The following TRPM6 variants were observed in gnomAD, a reference collection of about 807,000 sequenced individuals.
TRPM6 encodes the protein channel kinase 2.
A neutral mutation model predicts 247.6 loss-of-function variants in TRPM6; 111 were observed. The ratio of observed to expected loss-of-function variants is 0.45; its 90% CI spans 0.38 to 0.52. The LOEUF (loss-of-function observed/expected upper bound fraction) is 0.52, where lower values mean the gene tolerates loss of function less well. TRPM6 is among the 20% of genes least tolerant of loss of function. The pLI is 0.00. For synonymous variants in TRPM6, 892 were observed against 853.8 expected, an observed-to-expected ratio of 1.04 and a Z score of -0.78; for missense variants, 2,126 against 2,421.5, an observed-to-expected ratio of 0.88 and a Z score of 2.56.
chr9:74,804,798 C>A, intron 14 of TRPM6: 1 of 642,842 alleles, frequency 1.6e-6, no homozygotes, highest in South Asian at 1.7e-5. Flanking sequence ...GGCTCGTAAG[C>A]AACATGGAAA....
chr9:74,759,792 T>C (rs953069627), intron 27 of TRPM6, among the ~76,000 whole-genome samples: 9 of 152,088 alleles, frequency 5.9e-5, no homozygotes, highest in Non-Finnish European at 1.2e-4. Flanking sequence ...AAAAAAATTA[T>C]GGTTTCAAAG....
rs1829877345 is a variant in TRPM6 at position 74,840,027 on chromosome 9, T to C, written c.541A>G (p.Thr181Ala). ...GAWIITEGIN[T>A]GVSKHVGDAL... is the part of the protein sequence containing the mutation. ...AAATGGAGGGAGGGAGCTTTACCTGTATTGATGCCTTCAGTTATTATCCAC... is the reference window on the plus strand; with the variant it reads ...AAATGGAGGGAGGGAGCTTTACCTGCATTGATGCCTTCAGTTATTATCCAC... Residue 181 changes from threonine (T) to alanine (A), a missense_variant, in exon 5 of 39, where the codon ACA becomes GCA. Physicochemically the swap from Thr to Ala is moderately conservative, Grantham distance 58. Around this residue, in one of 3 missense-constraint regions of TRPM6, gnomAD observed 1,082 missense variants for 1,307.9 expected, o/e 0.83. Transcript: ENST00000360774. The C allele has an allele frequency of 4.3e-6, 7 of 1,612,752 alleles. 1 individual carries two copies. In the East Asian group the frequency reaches 1.3e-4, roughly 31 times the overall value.
intron 38 of TRPM6, among the ~76,000 whole-genome samples, chr9:74,727,193 C>T (rs571495859): frequency 3.4e-4 from 51 of 151,906 alleles, no homozygotes; most frequent in African/African-American, 1.1e-3. Context: ...CCATCCTGGC[C>T]AACATGGTGA....
chr9:74,800,511 C>T (rs1040549882), intron 16 of TRPM6, 29 bp from the exon 17 acceptor site: 4 of 1,526,208 alleles, frequency 2.6e-6, no homozygotes, highest in African/African-American at 2.7e-5. Flanking sequence ...ATTAAGAAAA[C>T]AAAGGCAGGT....
At chr9:74,858,170 C>T (rs562013091) in intron 2 of TRPM6, among the ~76,000 whole-genome samples, 1 of 152,136 alleles carries the variant, frequency 6.6e-6, no homozygotes, top group African/African-American at 2.4e-5. Flanking sequence ...GGGTGGATCA[C>T]GAGGTCAGGA....
chr9:74,742,332 C>A (rs1825892976), intron 33 of TRPM6, among the ~76,000 whole-genome samples: 1 of 152,158 alleles, frequency 6.6e-6, no homozygotes, highest in Non-Finnish European at 1.5e-5. Context: ...GCTTTCTTCC[C>A]AACTGCTGCT....
intron 13 of TRPM6, among the ~76,000 whole-genome samples, chr9:74,808,514 C>A (rs922674442): frequency 6.6e-6 from 1 of 151,940 alleles, no homozygotes; most frequent in Non-Finnish European, 1.5e-5. Flanking sequence ...ATTTTTTATT[C>A]CATATTGAGT....
chr9:74,838,686 G>A (rs1194580451), intron 5 of TRPM6, among the ~76,000 whole-genome samples: 4 of 152,188 alleles, frequency 2.6e-5, no homozygotes, highest in Non-Finnish European at 5.9e-5. Flanking sequence ...CTCTAGTTGA[G>A]ATATTCAAGA....
chr9:74,791,229 G>A (rs1436493061), intron 19 of TRPM6, among the ~76,000 whole-genome samples: 2 of 152,210 alleles, frequency 1.3e-5, no homozygotes, highest in Non-Finnish European at 2.9e-5. Context: ...CTCATTGTTT[G>A]AAAGCAGATG....
chr9:74,832,610 G>A lies in TRPM6; in HGVS notation c.669+1388C>T, dbSNP rs117711715. Among the ~76,000 whole-genome samples, 200 of 152,246 alleles carry A rather than the reference G, an allele frequency of 1.3e-3. 12 individuals carry two copies. In the East Asian group the frequency reaches 0.036, roughly 27 times the overall value. On this transcript the variant is annotated intron_variant, in intron 6 of 38. Coordinates refer to ENST00000360774, the MANE Select transcript of TRPM6 (RefSeq NM_017662.5). ...TGTCTCAAATTTGCTTCAAAATAAC[G>A]GAGGGTGTCGGCTGAATGGATAAGG...
intron 3 of TRPM6, among the ~76,000 whole-genome samples, chr9:74,854,845 TG>T (rs1830474089): frequency 6.6e-6 from 1 of 152,154 alleles, no homozygotes; most frequent in African/African-American, 2.4e-5. Context: ...TTTTGGGTTT[TG>T]TTTTTGCTTT....
rs980674320 is a variant in TRPM6, at chr9:74,755,351, A to G, written c.4906+2T>C. On this transcript the variant is annotated splice_donor_variant, in intron 28 of 38. Transcript: ENST00000360774. LOFTEE classifies it high-confidence loss of function. The stretch of plus-strand genomic sequence containing the variant: ...GGATCCAAAATTGTAGATGTTACAT[A>G]CCTGTGTGACTAAATTTGGACACTG... The G allele has an allele frequency of 1.2e-6, 2 of 1,614,018 alleles. No individual in the cohort carries two copies. The highest frequency in any genetic ancestry group is 1.7e-6 in the Non-Finnish European group (2 of 1,179,958).
intron 19 of TRPM6, among the ~76,000 whole-genome samples, chr9:74,792,036 C>A (rs926882934): frequency 3.9e-5 from 6 of 152,190 alleles, no homozygotes; most frequent in Admixed American, 3.3e-4. Context: ...GAATTACAGG[C>A]GTGAGCCACC....
At position 74,761,768 on chromosome 9, in the gene TRPM6, G is replaced by A; in HGVS notation, c.4713C>T (p.Val1571=). 1.2e-6 allele frequency: 2 copies of A among 1,613,908 alleles called. No homozygotes were observed. The highest frequency in any genetic ancestry group is 1.7e-6 in the Non-Finnish European group (2 of 1,179,942). The change falls in exon 27 of 39, where the codon GTC becomes GTT. Residue 1571 remains valine, a synonymous_variant. Transcript: ENST00000360774. Reference sequence around the variant, plus strand: ...TGTCTTTGGTTAGCATTTTCGCTTTGACCCATGCTCCCTGCCCTATTTCTG... The same window carrying A: ...TGTCTTTGGTTAGCATTTTCGCTTTAACCCATGCTCCCTGCCCTATTTCTG... ...GSSEIGQGAW[V]KAKMLTKDRR...
chr9:74,750,896 G>C (rs576365741), intron 29 of TRPM6, among the ~76,000 whole-genome samples, 174 bp from the exon 30 acceptor site: 1 of 152,242 alleles, frequency 6.6e-6, no homozygotes, highest in East Asian at 1.9e-4. Flanking sequence ...CATAATGTTA[G>C]AGCAATGTCA....
chr9:74,854,499 T>G (rs1032140926), intron 3 of TRPM6, among the ~76,000 whole-genome samples: 1 of 152,082 alleles, frequency 6.6e-6, no homozygotes, highest in Non-Finnish European at 1.5e-5. Flanking sequence ...AGAGCAAAAT[T>G]TTAAATAATT....
chr9:74,873,837 G>A (rs983633462), intron 1 of TRPM6, among the ~76,000 whole-genome samples: 2 of 151,722 alleles, frequency 1.3e-5, no homozygotes, highest in Non-Finnish European at 2.9e-5. Flanking sequence ...TAAAGATTTA[G>A]GGTAGGGTAC....
intron 11 of TRPM6, among the ~76,000 whole-genome samples, chr9:74,814,988 TA>T (rs1564027284): frequency 2.0e-5 from 3 of 151,578 alleles, no homozygotes; most frequent in Admixed American, 2.0e-4. Context: ...AAAATTAAAA[TA>T]AAAAAATAAA....
intron 1 of TRPM6, among the ~76,000 whole-genome samples, chr9:74,886,032 C>G (rs1220839116): frequency 6.6e-6 from 1 of 152,204 alleles, no homozygotes; most frequent in Non-Finnish European, 1.5e-5. Flanking sequence ...AAAAAATTAA[C>G]TATGATAGAT....
Sources: gnomAD v4.1 joint callset for allele counts (sites outside exome capture counted in the v4.1 genomes callset) on GRCh38, gnomAD v4.1.1 for gene constraint, gnomAD v4.1.1 regional missense constraint, MANE v1.5 for transcripts, NCBI Gene and HGNC (gene_info 2026-07-23, HGNC 2026-07-21) for gene names.